The following AKT3 variants were observed in gnomAD, a reference collection of about 807,000 sequenced individuals.
AKT3 encodes AKT serine/threonine kinase 3.
AKT3 carries 15 observed loss-of-function variants against 65.3 expected under a neutral mutation model. That is an observed-to-expected ratio of 0.23 (90% CI 0.15 to 0.35). AKT3 has a LOEUF of 0.35. Ranked by LOEUF, AKT3 falls within the 10% of genes least tolerant of loss-of-function variation. The probability of loss-of-function intolerance (pLI) is 1.00; values close to 1 mark genes in which losing one functional copy is unlikely to be tolerated. For synonymous variants in AKT3, 206 were observed against 183.8 expected, an observed-to-expected ratio of 1.12 and a Z score of -0.98; for missense variants, 243 against 576.5, an observed-to-expected ratio of 0.42 and a Z score of 5.92.
intron 3 of AKT3, among the ~76,000 whole-genome samples, chr1:243,693,856 C>G (rs938421060): frequency 6.6e-6 from 1 of 152,040 alleles, no homozygotes; most frequent in Non-Finnish European, 1.5e-5. Context: ...AACTAAGGAG[C>G]CAACCTACAA....
At chr1:243,496,665 C>T (rs942254178), downstream of AKT3, among the ~76,000 whole-genome samples, 3 of 152,328 alleles carry the variant, frequency 2.0e-5, no homozygotes, top group Admixed American at 1.3e-4. Context: ...ACCATCTCCC[C>T]GGGCTGCCAC....
intron 2 of AKT3, among the ~76,000 whole-genome samples, chr1:243,784,424 T>A (rs1691116965): frequency 6.6e-6 from 1 of 151,008 alleles, no homozygotes. Flanking sequence ...GGAACAGCCC[T>A]CTTCAAAAAA....
rs148767836 is a variant in AKT3, at chr1:243,658,465, ATAAG to A, written c.284+6303_284+6306del. On this transcript the variant is annotated intron_variant, in intron 4 of 13. Coordinates refer to ENST00000673466, the MANE Select transcript of AKT3 (RefSeq NM_005465.7). ...AAAAAAACAACAACATAAAAAATAA[ATAAG>A]TAAGTGTCAGCAAGGATGTGGAGAA... 9.2e-3 allele frequency among the ~76,000 whole-genome samples: 1,402 copies of A among 152,318 alleles called. 21 individuals are homozygous for A. The highest frequency in any genetic ancestry group is 0.032 in the African/African-American group (1,322 of 41,572).
intron 3 of AKT3, among the ~76,000 whole-genome samples, chr1:243,667,419 C>T (rs916637321): frequency 6.6e-6 from 1 of 152,154 alleles, no homozygotes; most frequent in African/African-American, 2.4e-5. Flanking sequence ...CACCTCCATC[C>T]TTTCAATTGC....
intron 5 of AKT3, among the ~76,000 whole-genome samples, chr1:243,641,123 G>A (rs550690692): frequency 5.9e-5 from 9 of 151,910 alleles, no homozygotes; most frequent in South Asian, 4.2e-4. Flanking sequence ...TCCTGCCCTC[G>A]AACATCAACT....
intron 2 of AKT3, among the ~76,000 whole-genome samples, chr1:243,722,696 A>C (rs1043277797): frequency 1.3e-5 from 2 of 152,180 alleles, no homozygotes; most frequent in South Asian, 4.1e-4. Context: ...AAATGGAGAG[A>C]ATCACATAAT....
chr1:243,843,892 C>T (rs537441846), intron 1 of AKT3, among the ~76,000 whole-genome samples: 2 of 152,088 alleles, frequency 1.3e-5, no homozygotes, highest in East Asian at 1.9e-4. Context: ...CCTCATGATC[C>T]ACCCGCCTCA....
Position 243,529,563 on chromosome 1 carries a change from T to C in AKT3, c.1251+15947A>G, listed in dbSNP as rs377463309. 3.9e-5 allele frequency among the ~76,000 whole-genome samples: 6 copies of C among 152,320 alleles called. No individual in the cohort carries two copies. In the South Asian group the frequency reaches 1.0e-3, roughly 26 times the overall value. On this transcript the variant is annotated intron_variant, in intron 12 of 13. Transcript: ENST00000673466. ...TATTGAAGAGGGAGTCCTTTCCCTA[T>C]TGCTTCTTACTGTTGACTTTGTCAG...
At position 243,525,515 on chromosome 1, in the gene AKT3, A is replaced by C. The variant is rs369053441; in HGVS notation, c.1252-13089T>G. Among the ~76,000 whole-genome samples the C allele has an allele frequency of 9.2e-5, 14 of 151,798 alleles. No homozygotes were observed. In the East Asian group the frequency reaches 1.4e-3, roughly 15 times the overall value. On this transcript the variant is annotated intron_variant, in intron 12 of 13. Transcript: ENST00000673466. The stretch of plus-strand genomic sequence containing the variant: ...TGACGTAAAGTAAAATATGTTCATG[A>C]GTAAAAAAGTTGAAAATCTCAGCAG...
chr1:243,596,692 T>C (rs1676640235), intron 8 of AKT3, among the ~76,000 whole-genome samples: 1 of 152,128 alleles, frequency 6.6e-6, no homozygotes, highest in Non-Finnish European at 1.5e-5. Context: ...AGCATATGCT[T>C]ACCATAAATC....
intron 3 of AKT3, among the ~76,000 whole-genome samples, chr1:243,675,825 T>G (rs1481128574): frequency 6.6e-6 from 1 of 152,194 alleles, no homozygotes; most frequent in Non-Finnish European, 1.5e-5. Context: ...CATTCATTAG[T>G]TTTTCTTAGG....
At chr1:243,580,980 T>C (rs924089648) in intron 8 of AKT3, among the ~76,000 whole-genome samples, 1 of 152,098 alleles carries the variant, frequency 6.6e-6, no homozygotes, top group Non-Finnish European at 1.5e-5. Context: ...ACCCCTCCTA[T>C]GCAGAGATCT....
chr1:243,669,946 A>T (rs1299765456), intron 3 of AKT3, among the ~76,000 whole-genome samples: 2 of 152,328 alleles, frequency 1.3e-5, no homozygotes, highest in East Asian at 3.9e-4. Context: ...GAACCAAATG[A>T]CATATATGAA....
chr1:243,760,358 C>T (rs528264333), intron 2 of AKT3, among the ~76,000 whole-genome samples: 108 of 126,386 alleles, frequency 8.5e-4, no homozygotes, highest in Non-Finnish European at 1.3e-3. Flanking sequence ...AACTCCTAGT[C>T]TCAAGTGATC....
At chr1:243,849,975 C>T in intron 1 of AKT3, 65 bp downstream of exon 1, 1 of 967,758 alleles carries the variant, frequency 1.0e-6, no homozygotes, top group Non-Finnish European at 1.2e-6. Flanking sequence ...GGACCGGGGC[C>T]CGGGGCCCGG....
At chr1:243,581,131 T>C (rs773892849) in intron 8 of AKT3, among the ~76,000 whole-genome samples, 1 of 152,216 alleles carries the variant, frequency 6.6e-6, no homozygotes. Flanking sequence ...GGCACATCTC[T>C]GGGCCCTTGG....
At chr1:243,751,188 A>G (rs1688791089) in intron 2 of AKT3, among the ~76,000 whole-genome samples, 1 of 152,222 alleles carries the variant, frequency 6.6e-6, no homozygotes, top group Non-Finnish European at 1.5e-5. Flanking sequence ...CTTCTGGAAA[A>G]TTAGCAGCAA....
intron 8 of AKT3, among the ~76,000 whole-genome samples, chr1:243,598,755 G>A (rs1488129925): frequency 6.6e-6 from 1 of 152,068 alleles, no homozygotes; most frequent in Non-Finnish European, 1.5e-5. Context: ...TTTATAGTAG[G>A]TTCTCCATCA....
intron 2 of AKT3, among the ~76,000 whole-genome samples, chr1:243,705,751 G>T (rs1298925809): frequency 6.6e-6 from 1 of 152,154 alleles, no homozygotes; most frequent in Non-Finnish European, 1.5e-5. Flanking sequence ...ATGTTGTGGA[G>T]AATTACTCAA....
Sources: allele counts gnomAD v4.1 joint callset (sites outside exome capture counted in the v4.1 genomes callset), GRCh38; gene constraint gnomAD v4.1.1; transcripts MANE v1.5; gene names NCBI Gene and HGNC (gene_info 2026-07-23, HGNC 2026-07-21).